The following ZNF283 variants were observed in gnomAD, a reference collection of about 807,000 sequenced individuals.
ZNF283 encodes the protein zinc finger protein 283, also known as zinc finger protein 41.
A neutral mutation model predicts 9.2 loss-of-function variants in ZNF283; 10 were observed. That is an observed-to-expected ratio of 1.09 (90% CI 0.67 to 1.85). The LOEUF is 1.85. Ranked by LOEUF, ZNF283 falls within the 40% of genes most tolerant of loss-of-function variation. The probability of loss-of-function intolerance (pLI) is 0.00; values close to 1 mark genes in which losing one functional copy is unlikely to be tolerated. For synonymous variants in ZNF283, 234 were observed against 244.1 expected (o/e 0.96, Z 0.38); for missense variants, 631 against 760.1 (o/e 0.83, Z 2.00).
intron 6 of ZNF283, among the ~76,000 whole-genome samples, chr19:43,840,264 C>T (rs1167268479): frequency 6.6e-6 from 1 of 152,092 alleles, no homozygotes; most frequent in African/African-American, 2.4e-5. Context: ...TTAAATCTTC[C>T]AATAGATACT....
intron 6 of ZNF283, chr19:43,837,431 G>T: frequency 2.4e-6 from 1 of 413,828 alleles, no homozygotes; most frequent in Admixed American, 4.0e-5. Flanking sequence ...CCAAGGGGCT[G>T]GATTTGCATT....
chr19:43,846,727 T>C (rs1473100095), intron 6 of ZNF283, among the ~76,000 whole-genome samples: 1 of 152,198 alleles, frequency 6.6e-6, no homozygotes, highest in East Asian at 1.9e-4. Context: ...AAGCGACCTC[T>C]GTGGAATCCT....
intron 6 of ZNF283, among the ~76,000 whole-genome samples, chr19:43,839,245 C>G (rs1347851894): frequency 7.3e-6 from 1 of 137,068 alleles, no homozygotes; most frequent in Admixed American, 7.1e-5. Flanking sequence ...TTTTTTTTTT[C>G]TTTTGGACTT....
chr19:43,837,394 C>T lies in ZNF283; in HGVS notation c.337+215C>T, dbSNP rs556466976. On this transcript the variant is annotated intron_variant, in intron 6 of 6. Transcript: ENST00000618787. ...AGCTTTACACCATTCTCGGGCCCTC[C>T]CTGCAATCACCTCTCTCCTTTAATG... The T allele has an allele frequency of 8.5e-4, 369 of 435,000 alleles. 3 individuals carry two copies. Among genetic ancestry groups the T allele is most frequent in the African/African-American group, 7.1e-3 (349 of 49,098 alleles). The allele number at this position is 435,000 out of a possible 1,614,324, so 26.9% of individuals were successfully genotyped here.
At chr19:43,843,132 A>G (rs1197980147) in intron 6 of ZNF283, among the ~76,000 whole-genome samples, 1 of 152,160 alleles carries the variant, frequency 6.6e-6, no homozygotes. Flanking sequence ...CACAAGGTTA[A>G]GAGATCGAGA....
chr19:43,834,984 A>T (rs1346797463), intron 4 of ZNF283, among the ~76,000 whole-genome samples: 1 of 152,184 alleles, frequency 6.6e-6, no homozygotes, highest in Non-Finnish European at 1.5e-5. Flanking sequence ...TATGTATTTT[A>T]TAAATGTAAT....
intron 4 of ZNF283, 123 bp downstream of exon 4, chr19:43,833,749 G>T (rs1970831649): frequency 6.6e-6 from 1 of 152,510 alleles, no homozygotes. Flanking sequence ...TCAAAGTGCT[G>T]GGATTACAGG....
At chr19:43,839,285 C>T (rs942611809) in intron 6 of ZNF283, among the ~76,000 whole-genome samples, 5 of 150,750 alleles carry the variant, frequency 3.3e-5, no homozygotes, top group Admixed American at 3.3e-4. Context: ...ACTTTCTGTT[C>T]TCTGTGGTTT....
chr19:43,842,952 TC>T (rs60060564), intron 6 of ZNF283, among the ~76,000 whole-genome samples: 61,458 of 151,960 alleles, frequency 0.4, 12,838 homozygotes, highest in South Asian at 0.55. Context: ...TAAAAAATAT[TC>T]TATGTAATGA....
At position 43,848,225 on chromosome 19, in the gene ZNF283, C is replaced by A. The variant is rs1289324785; in HGVS notation, c.1624C>A (p.Pro542Thr). The A allele has an allele frequency of 1.9e-6, 3 of 1,613,450 alleles. No individual in the cohort carries two copies. The East Asian group carries it at 6.7e-5, about 36-fold the overall frequency. The change falls in exon 7 of 7, where the codon CCC becomes ACC. Residue 542 changes from proline (P) to threonine (T), a missense_variant. Coordinates refer to ENST00000618787, the MANE Select transcript of ZNF283 (RefSeq NM_181845.2). ...TGAAAGAATCCATACAGGGGAGAAA[C>A]CCTATGAATGTAAAGAATGTGGGAA... ...QHERIHTGEK[P>T]YECKECGKAF...
At chr19:43,841,159 G>A (rs1274875584) in intron 6 of ZNF283, 1 of 151,934 alleles carries the variant, frequency 6.6e-6, no homozygotes, top group Non-Finnish European at 1.5e-5. Flanking sequence ...GCTATTTTTT[G>A]TTTCACTAGT....
intron 2 of ZNF283, among the ~76,000 whole-genome samples, chr19:43,828,592 A>G (rs1216910383): frequency 1.3e-5 from 2 of 152,156 alleles, no homozygotes; most frequent in Admixed American, 1.3e-4. Flanking sequence ...ATTTGAAGAG[A>G]TTAGTAATTA....
chr19:43,846,706 G>A (rs967235467), intron 6 of ZNF283, among the ~76,000 whole-genome samples: 11 of 152,142 alleles, frequency 7.2e-5, no homozygotes, highest in African/African-American at 1.9e-4. Flanking sequence ...GGGAAAATGA[G>A]GGACTTGTTG....
At chr19:43,838,542 T>C (rs1341919675) in intron 6 of ZNF283, among the ~76,000 whole-genome samples, 1 of 152,106 alleles carries the variant, frequency 6.6e-6, no homozygotes, top group Non-Finnish European at 1.5e-5. Context: ...GGTGGCTGGA[T>C]TGCTTGAACC....
At chr19:43,831,434 T>C (rs1010279780) in intron 3 of ZNF283, 53 bp downstream of exon 3, 2 of 1,450,458 alleles carry the variant, frequency 1.4e-6, no homozygotes, top group Admixed American at 3.8e-5. Flanking sequence ...CCCCGTTTGT[T>C]CAGTTTTCTT....
chr19:43,836,855 C>G (rs1420273742), intron 5 of ZNF283, among the ~76,000 whole-genome samples, 198 bp from the exon 6 acceptor site: 4 of 152,196 alleles, frequency 2.6e-5, no homozygotes, highest in Non-Finnish European at 5.9e-5. Flanking sequence ...TCTGCTATAA[C>G]AAGATTCTCG....
At chr19:43,837,212 T>G in intron 6 of ZNF283, 33 bp downstream of exon 6, 1 of 1,539,770 alleles carries the variant, frequency 6.5e-7, no homozygotes, top group Non-Finnish European at 8.7e-7. Flanking sequence ...ATTTAGAGTC[T>G]CCTCTTTGCA....
chr19:43,832,814 G>A (rs531210229), intron 3 of ZNF283, among the ~76,000 whole-genome samples: 1 of 152,054 alleles, frequency 6.6e-6, no homozygotes, highest in Admixed American at 6.6e-5. Flanking sequence ...TCAGGAGTTC[G>A]AGACCAGCCT....
Position 43,848,945 on chromosome 19 carries a change from C to A in ZNF283, c.*304C>A. On this transcript the variant is annotated 3_prime_UTR_variant, in exon 7 of 7. Transcript: ENST00000618787. ...TCATGACATAAGGTCTGATTAACATCAAATAATTGGTATTTGTTAAAAAGA... is the reference window on the plus strand; with the variant it reads ...TCATGACATAAGGTCTGATTAACATAAAATAATTGGTATTTGTTAAAAAGA... 4.9e-6 allele frequency: 1 copy of A among 205,176 alleles called. No homozygotes were observed. The highest frequency in any genetic ancestry group is 9.8e-6 in the Non-Finnish European group (1 of 102,138). The allele number at this position is 205,176 out of a possible 1,614,324, so 12.7% of individuals were successfully genotyped here. A position where few individuals can be genotyped will look rare whatever the true frequency, so the allele number is the denominator to read the frequency against.
Sources: allele counts gnomAD v4.1 joint callset (sites outside exome capture counted in the v4.1 genomes callset), GRCh38; gene constraint gnomAD v4.1.1; transcripts MANE v1.5; gene names NCBI Gene and HGNC (gene_info 2026-07-23, HGNC 2026-07-21).